KCNMA1: variants seen among roughly 807,000 people sequenced by gnomAD.
KCNMA1 encodes the protein potassium calcium-activated channel subfamily M alpha 1.
A neutral mutation model predicts 140.0 loss-of-function variants in KCNMA1; 29 were observed. That is an observed-to-expected ratio of 0.21 (90% CI 0.15 to 0.28). The LOEUF is 0.28. KCNMA1 is among the 10% of genes least tolerant of loss of function. The pLI is 1.00. For synonymous variants in KCNMA1, 612 were observed against 611.9 expected, an observed-to-expected ratio of 1.00 and a Z score of 0.00; for missense variants, 880 against 1,602.2, an observed-to-expected ratio of 0.55 and a Z score of 7.70.
At chr10:77,317,978 C>T (rs2081320271) in intron 2 of KCNMA1, among the ~76,000 whole-genome samples, 1 of 152,078 alleles carries the variant, frequency 6.6e-6, no homozygotes, top group Non-Finnish European at 1.5e-5. Flanking sequence ...CCCAGGTGCC[C>T]CAAGTGAGGC....
chr10:77,273,115 C>A (rs942554183), intron 2 of KCNMA1, among the ~76,000 whole-genome samples: 6 of 152,278 alleles, frequency 3.9e-5, no homozygotes, highest in Non-Finnish European at 7.4e-5. Flanking sequence ...TTGTAAATAT[C>A]TTCTATAAGG....
At chr10:77,093,695 A>G (rs1368236418) in intron 9 of KCNMA1, among the ~76,000 whole-genome samples, 1 of 152,348 alleles carries the variant, frequency 6.6e-6, no homozygotes, top group East Asian at 1.9e-4. Flanking sequence ...TTATTGCAGG[A>G]AGAAGAGAAC....
intron 23 of KCNMA1, among the ~76,000 whole-genome samples, chr10:76,944,395 G>C (rs1377553964): frequency 6.6e-6 from 1 of 152,162 alleles, no homozygotes; most frequent in Admixed American, 6.5e-5. Flanking sequence ...TCCCATCCCA[G>C]CTCAATGGCA....
intron 23 of KCNMA1, among the ~76,000 whole-genome samples, chr10:76,940,396 A>T (rs1390675265): frequency 6.6e-6 from 1 of 152,216 alleles, no homozygotes; most frequent in Non-Finnish European, 1.5e-5. Flanking sequence ...CAGCTGTCCA[A>T]TGAAGGCTCT....
intron 16 of KCNMA1, among the ~76,000 whole-genome samples, chr10:77,026,705 G>A (rs926765292): frequency 6.6e-6 from 1 of 152,184 alleles, no homozygotes; most frequent in African/African-American, 2.4e-5. Context: ...TGATCAGATT[G>A]ACTTTGTGAG....
At chr10:77,224,888 T>C (rs2050815561) in intron 3 of KCNMA1, among the ~76,000 whole-genome samples, 1 of 152,188 alleles carries the variant, frequency 6.6e-6, no homozygotes, top group Admixed American at 6.5e-5. Context: ...TGGACTAGAA[T>C]AGTAAGCACT....
intron 1 of KCNMA1, among the ~76,000 whole-genome samples, chr10:77,481,471 G>A (rs1171396988): frequency 6.6e-6 from 1 of 151,966 alleles, no homozygotes; most frequent in Non-Finnish European, 1.5e-5. Context: ...ATTAACAATT[G>A]TTTAGAAACT....
intron 14 of KCNMA1, among the ~76,000 whole-genome samples, chr10:77,050,312 A>T (rs577003905): frequency 6.6e-6 from 1 of 152,148 alleles, no homozygotes; most frequent in Admixed American, 6.5e-5. Flanking sequence ...ACAAAAAAAA[A>T]ACTGGGAGAA....
rs780610395 is a variant in KCNMA1, at chr10:77,112,350, T to C, written c.960+17A>G. The C allele has an allele frequency of 3.1e-6, 5 of 1,592,368 alleles. No homozygotes were observed. The East Asian group carries it at 6.7e-5, about 21-fold the overall frequency. ...TTGCAGGCAAGCGAGAGCAGAAGGG[T>C]CTTCAAGGTTACTCACCAAATGGAT... On this transcript the variant is annotated intron_variant, in intron 7 of 27. Coordinates refer to ENST00000286628, the MANE Select transcript of KCNMA1 (RefSeq NM_001161352.2).
intron 27 of KCNMA1, chr10:76,887,932 G>A: frequency 3.9e-6 from 1 of 256,142 alleles, no homozygotes; most frequent in South Asian, 5.0e-5. Context: ...ATGACAGAGT[G>A]TCTCCTTAGA....
chr10:77,556,765 C>T (rs2064644128), intron 1 of KCNMA1, among the ~76,000 whole-genome samples: 1 of 152,092 alleles, frequency 6.6e-6, no homozygotes, highest in Non-Finnish European at 1.5e-5. Flanking sequence ...GAACCATCTT[C>T]CCTCCGCACA....
rs141466507 is a variant in KCNMA1 at position 76,886,023 on chromosome 10, A to G, written c.*1243T>C. 1.5e-5 allele frequency: 15 copies of G among 985,398 alleles called. No individual in the cohort carries two copies. The East Asian group carries it at 1.1e-3, about 75-fold the overall frequency. The allele number at this position is 985,398 out of a possible 1,614,324, so 61.0% of individuals were successfully genotyped here. A position where few individuals can be genotyped will look rare whatever the true frequency, so the allele number is the denominator to read the frequency against. ...GAATTCCTTCCCACCAGCTTTCTGC[A>G]TTGGGACAGCCAGCACCGCACAGCT... On this transcript the variant is annotated 3_prime_UTR_variant, in exon 28 of 28. Coordinates refer to ENST00000286628, the MANE Select transcript of KCNMA1 (RefSeq NM_001161352.2).
At chr10:77,364,170 G>C (rs1318177849) in intron 2 of KCNMA1, among the ~76,000 whole-genome samples, 1 of 152,072 alleles carries the variant, frequency 6.6e-6, no homozygotes, top group African/African-American at 2.4e-5. Flanking sequence ...TCACTGTGCG[G>C]CCGGGCGCAG....
At chr10:77,318,466 C>A (rs973315154) in intron 2 of KCNMA1, among the ~76,000 whole-genome samples, 2 of 152,154 alleles carry the variant, frequency 1.3e-5, no homozygotes, top group African/African-American at 4.8e-5. Flanking sequence ...TGTGGAGGCA[C>A]AACCAGAGGG....
At chr10:77,597,774 T>C (rs2081357268) in intron 1 of KCNMA1, among the ~76,000 whole-genome samples, 1 of 152,150 alleles carries the variant, frequency 6.6e-6, no homozygotes, top group African/African-American at 2.4e-5. Context: ...TTGGCCTCAG[T>C]GCTCCTTCCC....
At chr10:76,910,971 C>A (rs1054424618) in intron 24 of KCNMA1, 1 of 151,942 alleles carries the variant, frequency 6.6e-6, no homozygotes. Context: ...ATTTCCATTC[C>A]CATCTTGGCT....
At chr10:76,966,908 A>G (rs1035327276) in intron 20 of KCNMA1, among the ~76,000 whole-genome samples, 9 of 152,198 alleles carry the variant, frequency 5.9e-5, no homozygotes, top group Admixed American at 3.3e-4. Context: ...ACTCAAAAAC[A>G]TACTACCTCA....
At chr10:77,104,032 G>A (rs2097152377) in intron 9 of KCNMA1, among the ~76,000 whole-genome samples, 1 of 152,180 alleles carries the variant, frequency 6.6e-6, no homozygotes. Context: ...GGCTGTCCAG[G>A]TTCAAACCCC....
intron 2 of KCNMA1, among the ~76,000 whole-genome samples, chr10:77,377,501 G>A (rs2095200918): frequency 6.6e-6 from 1 of 152,124 alleles, no homozygotes; most frequent in African/African-American, 2.4e-5. Flanking sequence ...GGGGTGTGGT[G>A]GAAATGACCT....
Sources: allele counts gnomAD v4.1 joint callset (sites outside exome capture counted in the v4.1 genomes callset), GRCh38; gene constraint gnomAD v4.1.1; transcripts MANE v1.5; gene names NCBI Gene and HGNC (gene_info 2026-07-23, HGNC 2026-07-21).